The following SFTPC variants were observed in gnomAD, a reference collection of about 807,000 sequenced individuals.
SFTPC encodes BRICHOS domain containing 6.
Under a neutral mutation model 19.9 loss-of-function variants are expected in SFTPC, and 12 were observed. The observed-to-expected ratio is 0.60, with a 90% CI of 0.39 to 0.98. SFTPC has a LOEUF of 0.98. SFTPC is among the 50% of genes least tolerant of loss of function. The probability of loss-of-function intolerance (pLI) is 0.00; values close to 1 mark genes in which losing one functional copy is unlikely to be tolerated. For missense variants in SFTPC, 219 were observed against 252.2 expected (o/e 0.87, Z 0.89); for synonymous variants, 123 against 103.3 (o/e 1.19, Z -1.16).
chr8:22,163,039 A>G, intron 2 of SFTPC, 41 bp from the exon 3 acceptor site: 7 of 1,612,878 alleles, frequency 4.3e-6, no homozygotes, highest in Non-Finnish European at 4.2e-6. Context: ...CTGGCTGAGT[A>G]GGAAAGGGGA....
intron 2 of SFTPC, 62 bp downstream of exon 2, chr8:22,162,794 G>A: frequency 1.3e-6 from 2 of 1,597,098 alleles, no homozygotes; most frequent in South Asian, 2.2e-5. Context: ...GGCTAGGTGG[G>A]ATGGGCGATA....
intron 1 of SFTPC, 89 bp from the exon 2 acceptor site, chr8:22,162,484 AG>A: frequency 6.9e-7 from 1 of 1,451,260 alleles, no homozygotes. Context: ...AGCCCTAGGC[AG>A]CCGTGGGAGG....
At chr8:22,157,924 A>G (rs2131802226), upstream of SFTPC, among the ~76,000 whole-genome samples, 1 of 133,726 alleles carries the variant, frequency 7.5e-6, no homozygotes, top group Non-Finnish European at 1.5e-5. Context: ...ATTTCTCAGT[A>G]AATATCAACA....
At chr8:22,160,865 A>C (rs1256434987), upstream of SFTPC, among the ~76,000 whole-genome samples, 7 of 152,214 alleles carry the variant, frequency 4.6e-5, no homozygotes, top group Non-Finnish European at 8.8e-5. Flanking sequence ...ACAGTCCTCA[A>C]AGCTGATCGT....
Position 22,162,733 on chromosome 8 carries a change from G to T in SFTPC, c.201+1G>T. 1 of 1,614,148 alleles carries T rather than the reference G, an allele frequency of 6.2e-7. No homozygotes were observed. Among genetic ancestry groups the T allele is most frequent in the Non-Finnish European group, 8.5e-7 (1 of 1,180,008 alleles). ...CATGAGCCAGAAACACACGGAGATG[G>T]TGAGAGGTGTGGGATGCACAGCAGT... On this transcript the variant is annotated splice_donor_variant, in intron 2 of 5. Coordinates refer to ENST00000679463, the MANE Select transcript of SFTPC (RefSeq NM_001317778.2). LOFTEE classifies it high-confidence loss of function.
chr8:22,161,179 A>G (rs1827702050), upstream of SFTPC, among the ~76,000 whole-genome samples: 1 of 152,234 alleles, frequency 6.6e-6, no homozygotes, highest in Admixed American at 6.5e-5. Flanking sequence ...AATTAGGAAA[A>G]TAATCACTGG....
At chr8:22,159,987 G>C (rs940090297), upstream of SFTPC, 2 of 474,668 alleles carry the variant, frequency 4.2e-6, no homozygotes, top group African/African-American at 4.1e-5. Flanking sequence ...CTGAGGCCGA[G>C]CTGAGAGGAT....
intron 1 of SFTPC, among the ~76,000 whole-genome samples, chr8:22,162,165 C>T (rs1463887251): frequency 6.6e-6 from 1 of 152,092 alleles, no homozygotes; most frequent in East Asian, 1.9e-4. Context: ...AGAGAAAAAC[C>T]ACATACGAGC....
intron 3 of SFTPC, 31 bp from the exon 4 acceptor site, chr8:22,163,405 C>T (rs1188899322): frequency 2.5e-6 from 4 of 1,585,664 alleles, no homozygotes; most frequent in South Asian, 2.2e-5. Context: ...GGGCAGGGAC[C>T]CCCGAATGAT....
In SFTPC at chr8:22,163,485, A is replaced by C; in HGVS notation, c.374A>C (p.Lys125Thr). ...PAPGTCCYIMKIAPESIPSLE... is the reference protein window; with the variant it reads ...PAPGTCCYIMTIAPESIPSLE... The stretch of plus-strand genomic sequence containing the variant: ...CCTGGCACCTGCTGCTACATCATGA[A>C]GATAGCTCCAGAGAGCATCCCCAGT... Residue 125 changes from lysine to threonine, a missense_variant, in exon 4 of 6, where the codon AAG (lysine) becomes ACG (threonine). Physicochemically the swap from Lys to Thr is moderately conservative, Grantham distance 78 (BLOSUM62 -1). Coordinates refer to ENST00000679463, the MANE Select transcript of SFTPC (RefSeq NM_001317778.2). The C allele has an allele frequency of 6.2e-7, 1 of 1,614,138 alleles. No homozygotes were observed. Among genetic ancestry groups the C allele is most frequent in the Non-Finnish European group, 8.5e-7 (1 of 1,180,024 alleles).
chr8:22,162,473 C>T, intron 1 of SFTPC, 101 bp from the exon 2 acceptor site: 1 of 1,342,392 alleles, frequency 7.4e-7, no homozygotes, highest in South Asian at 1.2e-5. Context: ...ATCGGCTGTC[C>T]AGCCCTAGGC....
chr8:22,164,128 C>G (rs1328736202), intron 5 of SFTPC, 69 bp downstream of exon 5: 4 of 1,595,356 alleles, frequency 2.5e-6, no homozygotes, highest in East Asian at 2.3e-5. Context: ...TGTGGAGGAG[C>G]GCTCGCGCTG....
At chr8:22,161,285 T>C (rs1250967950), upstream of SFTPC, among the ~76,000 whole-genome samples, 2 of 152,164 alleles carry the variant, frequency 1.3e-5, no homozygotes, top group Non-Finnish European at 2.9e-5. Flanking sequence ...GAAATGCACA[T>C]TTATGAAACC....
upstream of SFTPC, among the ~76,000 whole-genome samples, chr8:22,157,977 C>CT (rs770740692): frequency 3.3e-4 from 50 of 152,162 alleles, no homozygotes; most frequent in Non-Finnish European, 6.2e-4. Context: ...GTCCTCAATA[C>CT]TTTTTGAGAG....
upstream of SFTPC, among the ~76,000 whole-genome samples, chr8:22,160,557 G>C (rs1284709445): frequency 6.6e-6 from 1 of 152,224 alleles, no homozygotes; most frequent in East Asian, 1.9e-4. Flanking sequence ...GCTGCAGTGA[G>C]CAGTGATCTC....
At chr8:22,162,180 G>A (rs1197439840) in intron 1 of SFTPC, among the ~76,000 whole-genome samples, 2 of 152,146 alleles carry the variant, frequency 1.3e-5, no homozygotes, top group Non-Finnish European at 2.9e-5. Flanking sequence ...ACGAGCTGGA[G>A]CCAGAATAAG....
intron 2 of SFTPC, 131 bp downstream of exon 2, chr8:22,162,863 G>A: frequency 2.2e-6 from 3 of 1,391,532 alleles, no homozygotes; most frequent in Non-Finnish European, 3.0e-6. Context: ...GAAGGAAAGA[G>A]GCACGAACCA....
At chr8:22,161,191 G>A (rs1489059381), upstream of SFTPC, among the ~76,000 whole-genome samples, 1 of 152,220 alleles carries the variant, frequency 6.6e-6, no homozygotes, top group Non-Finnish European at 1.5e-5. Flanking sequence ...AATCACTGGG[G>A]GCAAGTTTGA....
upstream of SFTPC, among the ~76,000 whole-genome samples, chr8:22,160,061 C>T (rs185981871): frequency 5.3e-5 from 8 of 152,322 alleles, no homozygotes; most frequent in East Asian, 1.5e-3. Context: ...AGGACACTCT[C>T]TGGCTGCTGG....
Sources: allele counts gnomAD v4.1 joint callset (sites outside exome capture counted in the v4.1 genomes callset), GRCh38; gene constraint gnomAD v4.1.1; transcripts MANE v1.5; gene names NCBI Gene and HGNC (gene_info 2026-07-23, HGNC 2026-07-21).